Variants in NBAS observed in about 807,000 individuals in gnomAD.
NBAS encodes the protein NAG/BC035112 fusion.
NBAS carries 219 observed loss-of-function variants against 302.5 expected under a neutral mutation model. The ratio of observed to expected loss-of-function variants is 0.72; its 90% CI spans 0.65 to 0.81. NBAS has a LOEUF of 0.81. Among genes scored for constraint, NBAS ranks in the 30% least tolerant of loss-of-function variants. The pLI is 0.00. For missense variants in NBAS, 2,932 were observed against 2,841.6 expected (o/e 1.03, Z -0.72); for synonymous variants, 1,118 against 1,021.6 (o/e 1.09, Z -1.80).
At chr2:15,460,878 A>G (rs758879352) in intron 21 of NBAS, among the ~76,000 whole-genome samples, 4 of 152,150 alleles carry the variant, frequency 2.6e-5, no homozygotes, top group Non-Finnish European at 5.9e-5. Context: ...ACACACTTCA[A>G]TTTCTAAAAG....
At chr2:14,947,219 A>C in the NBAS span, among the ~76,000 whole-genome samples, 1 of 152,094 alleles carries the variant, frequency 6.6e-6, no homozygotes, top group Non-Finnish European at 1.5e-5. Context: ...TAGATCAACA[A>C]AACAAAAAGT....
Position 15,443,682 on chromosome 2 carries a change from G to GTA in NBAS, c.2340-15890_2340-15889dup, listed in dbSNP as rs1678565959. Among the ~76,000 whole-genome samples, 3 of 150,514 alleles carry GTA rather than the reference G, an allele frequency of 2.0e-5. No homozygotes were observed. In the South Asian group the frequency reaches 6.4e-4, roughly 32 times the overall value. On this transcript the variant is annotated intron_variant, in intron 21 of 51. Coordinates refer to ENST00000281513, the MANE Select transcript of NBAS (RefSeq NM_015909.4). ...ATTAGGCAGGAGAAGGAAATAAAGG[G>GTA]TATTCAATTAGGAAAAGAGGAAGTC...
intron 47 of NBAS, among the ~76,000 whole-genome samples, chr2:15,232,118 G>A (rs553435693): frequency 3.3e-5 from 5 of 152,206 alleles, no homozygotes; most frequent in African/African-American, 7.2e-5. Flanking sequence ...TTGGAAATGA[G>A]AATCCCCTAT....
At chr2:14,919,180 T>G in the NBAS span, among the ~76,000 whole-genome samples, 9 of 152,260 alleles carry the variant, frequency 5.9e-5, no homozygotes, top group South Asian at 1.9e-3. Context: ...AGGGCTCAGT[T>G]CCAGACCACC....
chr2:15,278,603 A>C (rs1669692795), intron 42 of NBAS, among the ~76,000 whole-genome samples: 1 of 152,188 alleles, frequency 6.6e-6, no homozygotes. Context: ...TGAGCAAAAA[A>C]TTAGGTGTCC....
chr2:14,821,243 A>T, the NBAS span, among the ~76,000 whole-genome samples: 1 of 152,066 alleles, frequency 6.6e-6, no homozygotes, highest in African/African-American at 2.4e-5. Flanking sequence ...CACTCTTAAA[A>T]ACCACTTAGA....
chr2:14,784,043 G>C, the NBAS span, among the ~76,000 whole-genome samples: 2 of 152,096 alleles, frequency 1.3e-5, no homozygotes. Context: ...TCTCATTGTA[G>C]TTTTGATTTG....
intron 29 of NBAS, among the ~76,000 whole-genome samples, chr2:15,382,838 T>G (rs1675107308): frequency 6.6e-6 from 1 of 152,126 alleles, no homozygotes; most frequent in Non-Finnish European, 1.5e-5. Flanking sequence ...ACCAGAGAGT[T>G]GGAAGTAGGG....
chr2:14,984,240 A>C, the NBAS span, among the ~76,000 whole-genome samples: 10 of 152,036 alleles, frequency 6.6e-5, no homozygotes, highest in South Asian at 2.1e-3. Flanking sequence ...CCACGCCCTG[A>C]CTTTAGTCTC....
At chr2:15,244,674 G>A (rs188259475) in intron 44 of NBAS, among the ~76,000 whole-genome samples, 3 of 152,220 alleles carry the variant, frequency 2.0e-5, no homozygotes, top group East Asian at 3.9e-4. Flanking sequence ...GATCACAGCT[G>A]GACCTGATGC....
the NBAS span, among the ~76,000 whole-genome samples, chr2:14,859,309 T>C: frequency 6.6e-6 from 1 of 151,990 alleles, no homozygotes; most frequent in Non-Finnish European, 1.5e-5. Flanking sequence ...ACTGATGACA[T>C]TCTTCACTGA....
chr2:15,368,555 C>A (rs138539057), intron 31 of NBAS, among the ~76,000 whole-genome samples: 22 of 152,224 alleles, frequency 1.4e-4, no homozygotes, highest in African/African-American at 5.3e-4. Flanking sequence ...TTGTGTGTGG[C>A]CTTTACTATA....
chr2:15,541,384 T>A (rs1663809465), intron 6 of NBAS, among the ~76,000 whole-genome samples: 1 of 152,102 alleles, frequency 6.6e-6, no homozygotes, highest in Non-Finnish European at 1.5e-5. Flanking sequence ...GAGTTCACCA[T>A]CCCTCCAGGA....
the NBAS span, among the ~76,000 whole-genome samples, chr2:14,795,954 C>A: frequency 6.6e-6 from 1 of 152,070 alleles, no homozygotes; most frequent in African/African-American, 2.4e-5. Context: ...TTTATGATTT[C>A]TTTATGATTT....
chr2:15,026,803 T>A, the NBAS span, among the ~76,000 whole-genome samples: 1 of 152,190 alleles, frequency 6.6e-6, no homozygotes, highest in Non-Finnish European at 1.5e-5. Context: ...TGAAATATAT[T>A]TTATGTATGA....
the NBAS span, among the ~76,000 whole-genome samples, chr2:14,922,338 G>A: frequency 3.3e-5 from 5 of 152,336 alleles, no homozygotes; most frequent in Non-Finnish European, 4.4e-5. Flanking sequence ...CCAGAGTGGA[G>A]AGGAAGTCCT....
At chr2:15,061,436 G>A in the NBAS span, among the ~76,000 whole-genome samples, 1 of 152,330 alleles carries the variant, frequency 6.6e-6, no homozygotes, top group East Asian at 1.9e-4. Flanking sequence ...TTGGCACATA[G>A]TGACTATCTG....
At chr2:15,054,100 T>G in the NBAS span, among the ~76,000 whole-genome samples, 1 of 152,214 alleles carries the variant, frequency 6.6e-6, no homozygotes, top group Non-Finnish European at 1.5e-5. Context: ...GTATGTGCGC[T>G]TTAGAAGCAC....
chr2:15,467,028 T>A (rs150126188), intron 19 of NBAS, among the ~76,000 whole-genome samples: 1 of 151,652 alleles, frequency 6.6e-6, no homozygotes, highest in Non-Finnish European at 1.5e-5. Flanking sequence ...AAAAAAGTTA[T>A]GTGCCATTAT....
Sources: gnomAD v4.1 joint callset for allele counts (sites outside exome capture counted in the v4.1 genomes callset) on GRCh38, gnomAD v4.1.1 for gene constraint, MANE v1.5 for transcripts, NCBI Gene and HGNC (gene_info 2026-07-23, HGNC 2026-07-21) for gene names.